Variants in PTPRT observed in about 807,000 individuals in gnomAD.
PTPRT encodes the protein protein tyrosine phosphatase receptor type T.
PTPRT carries 56 observed loss-of-function variants against 176.8 expected under a neutral mutation model. The ratio of observed to expected loss-of-function variants is 0.32; its 90% CI spans 0.26 to 0.40. The LOEUF is 0.40. Ranked by LOEUF, PTPRT falls within the 10% of genes least tolerant of loss-of-function variation. The pLI is 1.00. For missense variants in PTPRT, 1,540 were observed against 1,908.2 expected (o/e 0.81, Z 3.60); for synonymous variants, 783 against 739.0 (o/e 1.06, Z -0.96).
At chr20:42,627,219 T>C (rs1469285363) in intron 7 of PTPRT, among the ~76,000 whole-genome samples, 1 of 152,184 alleles carries the variant, frequency 6.6e-6, no homozygotes, top group Admixed American at 6.5e-5. Flanking sequence ...ATGTTTATCA[T>C]GAAAAGTAGC....
At chr20:42,615,711 G>A (rs533300210) in intron 7 of PTPRT, among the ~76,000 whole-genome samples, 1 of 123,938 alleles carries the variant, frequency 8.1e-6, no homozygotes, top group Admixed American at 7.5e-5. Context: ...TTTTTCATGT[G>A]TTTTTTGGCT....
chr20:42,265,159 A>G (rs2056818027), intron 13 of PTPRT, among the ~76,000 whole-genome samples: 1 of 152,208 alleles, frequency 6.6e-6, no homozygotes. Flanking sequence ...CCTCTCAGAT[A>G]GTAAATTATG....
At chr20:42,086,726 C>CAAAAAAAAA (rs367948746) in intron 27 of PTPRT, among the ~76,000 whole-genome samples, 1 of 82,244 alleles carries the variant, frequency 1.2e-5, no homozygotes, top group African/African-American at 6.2e-5. Context: ...GACTCCATCT[C>CAAAAAAAAA]AAAAAAAAAA....
At position 42,773,714 on chromosome 20, in the gene PTPRT, C is replaced by T. The variant is rs558493200; in HGVS notation, c.569-2164G>A. The stretch of plus-strand genomic sequence containing the variant: ...GAAGTTATTTTTGGAACTATCAGTT[C>T]AAATCAATTCTTAAAATGGGAATAG... On this transcript the variant is annotated intron_variant, in intron 4 of 30. Coordinates refer to ENST00000373187, the MANE Select transcript of PTPRT (RefSeq NM_007050.6). Among the ~76,000 whole-genome samples, 4 of 152,240 alleles carry T rather than the reference C, an allele frequency of 2.6e-5. No homozygotes were observed. The South Asian group carries it at 6.2e-4, about 24-fold the overall frequency.
At chr20:43,174,843 G>C (rs1452344336) in intron 1 of PTPRT, among the ~76,000 whole-genome samples, 4 of 152,146 alleles carry the variant, frequency 2.6e-5, no homozygotes, top group Non-Finnish European at 5.9e-5. Flanking sequence ...TAACAAAACT[G>C]ATCCATTGGG....
chr20:42,667,865 G>A (rs2075343200), intron 7 of PTPRT, among the ~76,000 whole-genome samples: 1 of 152,186 alleles, frequency 6.6e-6, no homozygotes, highest in Non-Finnish European at 1.5e-5. Flanking sequence ...AGGGCACGCA[G>A]GGGAGAGGGC....
At chr20:42,251,021 C>T (rs373570792) in intron 13 of PTPRT, among the ~76,000 whole-genome samples, 7 of 152,198 alleles carry the variant, frequency 4.6e-5, no homozygotes, top group Non-Finnish European at 7.3e-5. Context: ...TTCTGAGGAG[C>T]TCCCATGCAG....
rs945734000 is a variant in PTPRT at position 42,488,431 on chromosome 20, T to C, written c.1154-15869A>G. On this transcript the variant is annotated intron_variant, in intron 7 of 30. Transcript: ENST00000373187. Reference sequence around the variant, plus strand: ...TCCAATTTTTCTACCTTTTTACCAATCTGATGGGCACTACGTATTTTTTAC... The same window carrying C: ...TCCAATTTTTCTACCTTTTTACCAACCTGATGGGCACTACGTATTTTTTAC... Among the ~76,000 whole-genome samples, 6 of 152,222 alleles carry C rather than the reference T, an allele frequency of 3.9e-5. No homozygotes were observed. In the South Asian group the frequency reaches 6.2e-4, roughly 16 times the overall value.
intron 11 of PTPRT, among the ~76,000 whole-genome samples, chr20:42,337,544 C>T (rs1016050004): frequency 6.6e-6 from 1 of 152,164 alleles, no homozygotes; most frequent in African/African-American, 2.4e-5. Flanking sequence ...CTCAACAAAG[C>T]TCAGTTAGAT....
chr20:42,321,264 T>A (rs6030132), intron 11 of PTPRT, among the ~76,000 whole-genome samples: 5,705 of 152,158 alleles, frequency 0.037, 281 homozygotes, highest in African/African-American at 0.11. Context: ...GGCTGCATAT[T>A]ATAATTACCC....
intron 18 of PTPRT, among the ~76,000 whole-genome samples, chr20:42,136,000 G>C (rs1022153164): frequency 6.6e-6 from 1 of 151,810 alleles, no homozygotes; most frequent in Admixed American, 6.6e-5. Flanking sequence ...ATGGCCACCC[G>C]AGAGAGAGGG....
At chr20:42,924,751 G>C (rs1430865290) in intron 1 of PTPRT, among the ~76,000 whole-genome samples, 4 of 152,212 alleles carry the variant, frequency 2.6e-5, no homozygotes, top group Admixed American at 6.5e-5. Flanking sequence ...GATTAGATGA[G>C]TTGGCAAAGG....
chr20:43,118,254 T>C (rs2013129737), intron 1 of PTPRT, among the ~76,000 whole-genome samples: 1 of 152,126 alleles, frequency 6.6e-6, no homozygotes, highest in Non-Finnish European at 1.5e-5. Context: ...TTGTTGATCC[T>C]TGAGCTAAAA....
intron 1 of PTPRT, among the ~76,000 whole-genome samples, chr20:43,059,749 T>A (rs1022060616): frequency 2.0e-5 from 3 of 152,080 alleles, no homozygotes; most frequent in African/African-American, 7.2e-5. Flanking sequence ...GAGACTGAGG[T>A]GGGCAGATCA....
chr20:42,055,775 G>T, the PTPRT span, among the ~76,000 whole-genome samples: 1 of 152,174 alleles, frequency 6.6e-6, no homozygotes, highest in Non-Finnish European at 1.5e-5. Flanking sequence ...TTCAGAACAG[G>T]AGGAGCTGCA....
chr20:42,166,027 T>A (rs1016101569), intron 16 of PTPRT, among the ~76,000 whole-genome samples: 26 of 152,262 alleles, frequency 1.7e-4, no homozygotes, highest in Non-Finnish European at 3.5e-4. Context: ...TTACATTCTT[T>A]ATTCACACAA....
chr20:43,107,496 G>A (rs2012666842), intron 1 of PTPRT, among the ~76,000 whole-genome samples: 1 of 152,226 alleles, frequency 6.6e-6, no homozygotes, highest in South Asian at 2.1e-4. Flanking sequence ...CCACTGGGCT[G>A]AGAAAATTTA....
At chr20:42,052,402 C>T in the PTPRT span, among the ~76,000 whole-genome samples, 9 of 152,296 alleles carry the variant, frequency 5.9e-5, no homozygotes, top group East Asian at 1.7e-3. Context: ...CCTGTGGGTC[C>T]CAGTGATGTC....
At chr20:42,881,378 C>CAG (rs1456061455) in intron 2 of PTPRT, among the ~76,000 whole-genome samples, 1 of 152,130 alleles carries the variant, frequency 6.6e-6, no homozygotes, top group Non-Finnish European at 1.5e-5. Context: ...CATCTTTAGA[C>CAG]AGACGGATAA....
Sources: allele counts gnomAD v4.1 joint callset (sites outside exome capture counted in the v4.1 genomes callset), GRCh38; gene constraint gnomAD v4.1.1; transcripts MANE v1.5; gene names NCBI Gene and HGNC (gene_info 2026-07-23, HGNC 2026-07-21).